The following CNOT1 variants were observed in gnomAD, a reference collection of about 807,000 sequenced individuals.
The protein encoded by CNOT1 is CCR4-NOT transcription complex subunit 1, also known as CCR4-associated factor 1.
CNOT1 carries 15 observed loss-of-function variants against 273.8 expected under a neutral mutation model. The observed-to-expected ratio is 0.05, with a 90% confidence interval of 0.04 to 0.08. The LOEUF (loss-of-function observed/expected upper bound fraction) is 0.08. Among genes scored for constraint, CNOT1 ranks in the 10% least tolerant of loss-of-function variants. The pLI, the probability that CNOT1 is intolerant of heterozygous loss-of-function variation, is 1.00. For synonymous variants in CNOT1, 1,022 were observed against 1,005.5 expected (o/e 1.02, Z -0.31); for missense variants, 1,644 against 2,912.2 (o/e 0.56, Z 10.02).
chr16:58,560,500 T>C, intron 16 of CNOT1, 138 bp from the exon 17 acceptor site: 2 of 1,403,082 alleles, frequency 1.4e-6, no homozygotes, highest in Non-Finnish European at 1.9e-6. Context: ...TAGCACGATA[T>C]CAATTCACTG....
At chr16:58,552,311 G>C (rs2040478083) in intron 22 of CNOT1, among the ~76,000 whole-genome samples, 1 of 151,682 alleles carries the variant, frequency 6.6e-6, no homozygotes, top group South Asian at 2.1e-4. Flanking sequence ...TATTTCAACA[G>C]TCCTTACCTA....
chr16:58,553,068 T>A (rs139233876), intron 22 of CNOT1, among the ~76,000 whole-genome samples: 2,941 of 151,328 alleles, frequency 0.019, 86 homozygotes, highest in African/African-American at 0.067. Flanking sequence ...AGGTCAGGAG[T>A]TCAAGACCAG....
In CNOT1 at chr16:58,524,544, T is replaced by A. The variant is rs539837951; in HGVS notation, c.6784+635A>T. Among the ~76,000 whole-genome samples, 30 of 152,232 alleles carry A rather than the reference T, an allele frequency of 2.0e-4. No homozygotes were observed. In the South Asian group the frequency reaches 5.8e-3, roughly 29 times the overall value. Reference sequence around the variant, plus strand: ...CTTAAATCCATCCCACATATAGGCATGCAGCATATATGCAACATCAATTCA... The same window carrying A: ...CTTAAATCCATCCCACATATAGGCAAGCAGCATATATGCAACATCAATTCA... On this transcript the variant is annotated intron_variant, in intron 46 of 48. Coordinates refer to ENST00000317147, the MANE Select transcript of CNOT1 (RefSeq NM_016284.5).
chr16:58,583,246 G>A, intron 8 of CNOT1, 64 bp from the exon 9 acceptor site: 1 of 1,588,102 alleles, frequency 6.3e-7, no homozygotes, highest in African/African-American at 1.4e-5. Flanking sequence ...GAGAAATTCT[G>A]GCATTAAATG....
chr16:58,599,523 A>AAC lies in CNOT1; in HGVS notation c.-174-14_-174-13dup, dbSNP rs199693878. On this transcript the variant is annotated splice_polypyrimidine_tract_variant and intron_variant, in intron 1 of 48. Transcript: ENST00000317147. ...CTGAAACATGGCACCTGTTTAAAAA[A>AAC]ACACACACACACAAATCCAGATTTT... is the stretch of plus-strand genomic sequence containing the variant. 2,134 of 641,788 alleles carry AAC rather than the reference A, an allele frequency of 3.3e-3. 24 individuals carry two copies. Among genetic ancestry groups the AAC allele is most frequent in the East Asian group, 8.4e-3 (304 of 36,264 alleles). 39.8% of individuals were successfully genotyped at this position (641,788 alleles called of 1,614,324 possible). A position where few individuals can be genotyped will look rare whatever the true frequency, so the allele number is the denominator to read the frequency against.
At chr16:58,561,548 C>T (rs1457829184) in intron 16 of CNOT1, among the ~76,000 whole-genome samples, 1 of 152,130 alleles carries the variant, frequency 6.6e-6, no homozygotes, top group African/African-American at 2.4e-5. Context: ...AAACAAATGT[C>T]AAGTAGGGTA....
intron 2 of CNOT1, among the ~76,000 whole-genome samples, chr16:58,589,973 G>C (rs1208805207): frequency 6.6e-6 from 1 of 152,178 alleles, no homozygotes; most frequent in African/African-American, 2.4e-5. Context: ...ACCTGCCCCA[G>C]CATCACTCCT....
In CNOT1 at chr16:58,562,922, C is replaced by A. The variant is rs376397153; in HGVS notation, c.1980-2560G>T. 8.5e-5 allele frequency among the ~76,000 whole-genome samples: 13 copies of A among 152,242 alleles called. No homozygotes were observed. In the East Asian group the frequency reaches 1.9e-3, roughly 23 times the overall value. On this transcript the variant is annotated intron_variant, in intron 16 of 48. Coordinates refer to ENST00000317147, the MANE Select transcript of CNOT1 (RefSeq NM_016284.5). ...ACTACTGGCATTAAGAAGTAAAAGT[C>A]ATCACTCAGAAAAGAAAGCTGTTTC...
chr16:58,549,654 CTATA>C (rs2040390183), intron 25 of CNOT1, 61 bp downstream of exon 25: 1 of 1,526,516 alleles, frequency 6.6e-7, no homozygotes. Flanking sequence ...AAAATCCTAC[CTATA>C]TAATCAAATA....
rs756874955 is a variant in CNOT1, at chr16:58,542,275, A to G, written c.4636T>C (p.Leu1546=). Reference sequence around the variant, plus strand: ...GGCATCCGTTCAGCTTGATATGTTAAAACAACAGGATCACAGTATCTGCGT... The same window carrying G: ...GGCATCCGTTCAGCTTGATATGTTAGAACAACAGGATCACAGTATCTGCGT... The part of the protein sequence containing the change: ...EGRRYCDPVV[L]TYQAERMPEQ... Residue 1546 remains leucine (L), a synonymous_variant, in exon 33 of 49, where the codon TTA becomes CTA. Coordinates refer to ENST00000317147, the MANE Select transcript of CNOT1 (RefSeq NM_016284.5). The G allele has an allele frequency of 3.1e-6, 5 of 1,614,198 alleles. No individual in the cohort carries two copies. The highest frequency in any genetic ancestry group is 1.1e-5 in the South Asian group (1 of 91,088).
chr16:58,625,436 C>CA (rs1196299655), intron 1 of CNOT1, among the ~76,000 whole-genome samples: 2 of 152,112 alleles, frequency 1.3e-5, no homozygotes, highest in African/African-American at 4.8e-5. Flanking sequence ...CACTTGAACC[C>CA]AGGAGCCGGA....
At chr16:58,545,873 T>G (rs2151921361) in intron 29 of CNOT1, among the ~76,000 whole-genome samples, 1 of 152,276 alleles carries the variant, frequency 6.6e-6, no homozygotes, top group South Asian at 2.1e-4. Context: ...AAAGCTCAAT[T>G]TATTCTAACC....
Position 58,557,620 on chromosome 16 carries a change from A to C in CNOT1, c.2333-627T>G, listed in dbSNP as rs566852104. Among the ~76,000 whole-genome samples the C allele has an allele frequency of 6.0e-5, 4 of 66,142 alleles. No individual in the cohort carries two copies. The South Asian group carries it at 1.5e-3, about 25-fold the overall frequency. 43.4% of individuals were successfully genotyped at this position (66,142 alleles called of 152,430 possible). On this transcript the variant is annotated intron_variant, in intron 18 of 48. Transcript: ENST00000317147. The stretch of plus-strand genomic sequence containing the variant: ...GGCTAAGAAGATGTAGGTACAAACA[A>C]CCACAACAACAACAACAAAAAAAAT...
chr16:58,526,199 A>C, intron 44 of CNOT1, 61 bp from the exon 45 acceptor site: 1 of 1,580,514 alleles, frequency 6.3e-7, no homozygotes, highest in Non-Finnish European at 8.7e-7. Context: ...AATTACATCT[A>C]TGCTTAAGTG....
In CNOT1 at chr16:58,616,959, T is replaced by C. The variant is rs147351103; in HGVS notation, c.-175+12769A>G. On this transcript the variant is annotated intron_variant, in intron 1 of 48. Transcript: ENST00000317147. ...GAGAAATCTGAACCTCAAGAAGGCATCTATGGAAAAAAAACACTGAAGAGC... is the reference window on the plus strand; with the variant it reads ...GAGAAATCTGAACCTCAAGAAGGCACCTATGGAAAAAAAACACTGAAGAGC... 4.6e-5 allele frequency among the ~76,000 whole-genome samples: 7 copies of C among 152,256 alleles called. No homozygotes were observed. In the East Asian group the frequency reaches 7.7e-4, roughly 17 times the overall value.
intron 39 of CNOT1, among the ~76,000 whole-genome samples, chr16:58,535,462 T>A (rs1403567874): frequency 1.3e-5 from 2 of 152,142 alleles, no homozygotes; most frequent in Non-Finnish European, 2.9e-5. Flanking sequence ...TAATACACTA[T>A]CTTTTTCAAG....
At chr16:58,584,245 C>T (rs1383928961) in intron 8 of CNOT1, among the ~76,000 whole-genome samples, 1 of 151,944 alleles carries the variant, frequency 6.6e-6, no homozygotes, top group Non-Finnish European at 1.5e-5. Flanking sequence ...AAATTATCTT[C>T]AATCTTCTTT....
In CNOT1 at chr16:58,558,546, T is replaced by G; in HGVS notation, c.2259A>C (p.Ala753=). Residue 753 remains alanine, a synonymous_variant, in exon 18 of 49, where the codon GCA becomes GCC. Coordinates refer to ENST00000317147, the MANE Select transcript of CNOT1 (RefSeq NM_016284.5). ...GATTGGGGGTTGAAAGGGGTGGAAA[T>G]GCTTTTGCTGGTGACTGAGGGGTAC... ...AFSTPQSPAK[A]FPPLSTPNQT... is the part of the protein sequence containing the mutation. 1 of 1,613,620 alleles carries G rather than the reference T, an allele frequency of 6.2e-7. No individual in the cohort carries two copies. The highest frequency in any genetic ancestry group is 8.5e-7 in the Non-Finnish European group (1 of 1,179,854).
intron 1 of CNOT1, among the ~76,000 whole-genome samples, chr16:58,626,660 T>A (rs1453285331): frequency 6.6e-6 from 1 of 151,406 alleles, no homozygotes; most frequent in Non-Finnish European, 1.5e-5. Flanking sequence ...CTTGGGAGGC[T>A]GGGGCAGGAG....
Sources: allele counts gnomAD v4.1 joint callset (sites outside exome capture counted in the v4.1 genomes callset), GRCh38; gene constraint gnomAD v4.1.1; transcripts MANE v1.5; gene names NCBI Gene and HGNC (gene_info 2026-07-23, HGNC 2026-07-21).